WWOX: variants seen among roughly 807,000 people sequenced by gnomAD.
WWOX encodes the protein WW domain-containing oxidoreductase.
Under a neutral mutation model 46.2 loss-of-function variants are expected in WWOX, and 69 were observed. That is an observed-to-expected ratio of 1.49 (90% CI 1.23 to 1.82). The LOEUF (loss-of-function observed/expected upper bound fraction) is 1.82. Among genes scored for constraint, WWOX ranks in the 40% most tolerant of loss-of-function variants. The probability of loss-of-function intolerance (pLI) is 0.00; values close to 1 mark genes in which losing one functional copy is unlikely to be tolerated. For synonymous variants in WWOX, 359 were observed against 202.6 expected, an observed-to-expected ratio of 1.77 and a Z score of -6.56; for missense variants, 919 against 542.6, an observed-to-expected ratio of 1.69 and a Z score of -6.89.
intron 8 of WWOX, among the ~76,000 whole-genome samples, chr16:79,199,136 C>G (rs1380720051): frequency 6.6e-6 from 1 of 152,208 alleles, no homozygotes; most frequent in Non-Finnish European, 1.5e-5. Context: ...AATCTTGGCT[C>G]ACTGCAACCT....
chr16:78,110,339 C>CAAAAA (rs34862048), intron 3 of WWOX, among the ~76,000 whole-genome samples: 7 of 85,696 alleles, frequency 8.2e-5, no homozygotes, highest in Non-Finnish European at 1.3e-4. Flanking sequence ...GACTCCTTCT[C>CAAAAA]AAAAAAAAAA....
intron 8 of WWOX, among the ~76,000 whole-genome samples, chr16:79,061,142 A>T (rs1168237864): frequency 1.3e-5 from 2 of 152,122 alleles, no homozygotes; most frequent in East Asian, 3.9e-4. Flanking sequence ...TCAATCCTTT[A>T]TGTTGAGGGA....
intron 8 of WWOX, chr16:78,896,033 C>T (rs1288876573): frequency 1.3e-5 from 2 of 152,020 alleles, no homozygotes; most frequent in South Asian, 4.2e-4. Flanking sequence ...TTTAAATTTC[C>T]TTTTCACAGA....
At chr16:78,787,280 A>G (rs2050481084) in intron 8 of WWOX, among the ~76,000 whole-genome samples, 1 of 152,300 alleles carries the variant, frequency 6.6e-6, no homozygotes, top group Non-Finnish European at 1.5e-5. Context: ...CATTTTTACC[A>G]TCCCCCGCTA....
chr16:78,312,295 T>C (rs1327161336), intron 5 of WWOX, among the ~76,000 whole-genome samples: 1 of 152,296 alleles, frequency 6.6e-6, no homozygotes, highest in Non-Finnish European at 1.5e-5. Context: ...TAGGGGGTAA[T>C]TTTAGCTTCT....
intron 8 of WWOX, among the ~76,000 whole-genome samples, chr16:79,064,703 G>T (rs190902341): frequency 6.6e-6 from 1 of 152,346 alleles, no homozygotes; most frequent in Non-Finnish European, 1.5e-5. Context: ...TAGAGAGTCA[G>T]CCCTGAGGGA....
At chr16:79,115,370 G>C (rs1181096738) in intron 8 of WWOX, among the ~76,000 whole-genome samples, 1 of 152,154 alleles carries the variant, frequency 6.6e-6, no homozygotes, top group Non-Finnish European at 1.5e-5. Flanking sequence ...TATGGTGCAG[G>C]GTGGTCAGTA....
intron 6 of WWOX, among the ~76,000 whole-genome samples, chr16:78,410,789 G>C (rs960260235): frequency 7.7e-5 from 10 of 129,900 alleles, no homozygotes; most frequent in African/African-American, 1.2e-4. Flanking sequence ...CTGGGTGAAA[G>C]AGCAAGGCCC....
intron 8 of WWOX, among the ~76,000 whole-genome samples, chr16:78,562,218 G>A (rs61257161): frequency 0.046 from 6,946 of 152,238 alleles, 512 homozygotes; most frequent in African/African-American, 0.16. Flanking sequence ...CACAGGAGAA[G>A]GAAATAAGAG....
chr16:78,906,666 T>G (rs2044973587), intron 8 of WWOX, among the ~76,000 whole-genome samples: 1 of 152,142 alleles, frequency 6.6e-6, no homozygotes, highest in South Asian at 2.1e-4. Context: ...TGGATGAAAG[T>G]TTGCATTTTG....
At chr16:78,555,285 A>G (rs893104715) in intron 8 of WWOX, among the ~76,000 whole-genome samples, 6 of 152,056 alleles carry the variant, frequency 3.9e-5, no homozygotes, top group African/African-American at 1.4e-4. Flanking sequence ...GCATTTTTCA[A>G]CCAAACTGAA....
chr16:78,865,150 C>T (rs943593286), intron 8 of WWOX, among the ~76,000 whole-genome samples: 5 of 152,012 alleles, frequency 3.3e-5, no homozygotes, highest in Admixed American at 1.3e-4. Context: ...AAATAAATTC[C>T]GTACATTTTA....
intron 8 of WWOX, among the ~76,000 whole-genome samples, chr16:78,541,473 CAAAAAAAAAAAAA>C (rs59900108): frequency 2.2e-4 from 10 of 45,168 alleles, no homozygotes; most frequent in South Asian, 3.1e-3. Context: ...GACTCCGTCT[CAAAAAAAAAAAAA>C]AAAAAAAAAA....
intron 8 of WWOX, among the ~76,000 whole-genome samples, chr16:78,948,321 G>A (rs1306593716): frequency 6.6e-6 from 1 of 152,114 alleles, no homozygotes; most frequent in Non-Finnish European, 1.5e-5. Flanking sequence ...AGAACTTCTT[G>A]TCTCCCTTTT....
At chr16:78,733,607 T>A (rs1271613226) in intron 8 of WWOX, among the ~76,000 whole-genome samples, 14 of 150,386 alleles carry the variant, frequency 9.3e-5, no homozygotes, top group Admixed American at 6.6e-5. Flanking sequence ...AAAAAAAAAT[T>A]AGCCGGGTAT....
chr16:78,899,348 A>G (rs920881849), intron 8 of WWOX: 3 of 152,306 alleles, frequency 2.0e-5, no homozygotes, highest in Non-Finnish European at 4.4e-5. Flanking sequence ...CTCATTGGTT[A>G]AAAGGATTTG....
chr16:79,058,811 A>G (rs1389376178), intron 8 of WWOX, among the ~76,000 whole-genome samples: 1 of 152,202 alleles, frequency 6.6e-6, no homozygotes, highest in East Asian at 1.9e-4. Flanking sequence ...TGTGTGTGTA[A>G]AATTCAAATT....
intron 6 of WWOX, among the ~76,000 whole-genome samples, chr16:78,416,775 G>A (rs2082806557): frequency 1.3e-5 from 2 of 152,230 alleles, no homozygotes; most frequent in South Asian, 2.1e-4. Flanking sequence ...AAAAGTGAAG[G>A]ATAAAGAGGA....
At chr16:78,471,203 A>G (rs1294778032) in intron 8 of WWOX, among the ~76,000 whole-genome samples, 3 of 152,188 alleles carry the variant, frequency 2.0e-5, no homozygotes, top group Non-Finnish European at 4.4e-5. Context: ...CTACAAGACA[A>G]TCAGGCGTGA....
Sources: gnomAD v4.1 joint callset for allele counts (sites outside exome capture counted in the v4.1 genomes callset) on GRCh38, gnomAD v4.1.1 for gene constraint, MANE v1.5 for transcripts, NCBI Gene and HGNC (gene_info 2026-07-23, HGNC 2026-07-21) for gene names.